RPS6KB1: variants seen among roughly 807,000 people sequenced by gnomAD.
The protein encoded by RPS6KB1 is ribosomal protein S6 kinase beta-1.
Under a neutral mutation model 70.2 loss-of-function variants are expected in RPS6KB1, and 12 were observed. The observed-to-expected ratio is 0.17, with a 90% CI of 0.11 to 0.28. The LOEUF is 0.28. RPS6KB1 is among the 10% of genes least tolerant of loss of function. The pLI, the probability that RPS6KB1 is intolerant of heterozygous loss-of-function variation, is 1.00. For missense variants in RPS6KB1, 270 were observed against 646.6 expected (o/e 0.42, Z 6.32); for synonymous variants, 175 against 211.2 (o/e 0.83, Z 1.49).
intron 12 of RPS6KB1, among the ~76,000 whole-genome samples, chr17:59,938,186 G>GC (rs1481287231): frequency 1.4e-4 from 19 of 134,766 alleles, no homozygotes; most frequent in Admixed American, 5.9e-4. Context: ...TTTTTTTTTG[G>GC]GGGGGGGATA....
At position 59,915,791 on chromosome 17, in the gene RPS6KB1, TTTTTTTTTA is replaced by T. The variant is rs1219445522; in HGVS notation, c.381+1091_381+1099del. On this transcript the variant is annotated intron_variant, in intron 4 of 14. Coordinates refer to ENST00000225577, the MANE Select transcript of RPS6KB1 (RefSeq NM_003161.4). ...TACTGCTATCTTTTTTTTTTTTTTT[TTTTTTTTTA>T]TTGTGACAGAGTTTTGCTCTTGTTG... Among the ~76,000 whole-genome samples the T allele has an allele frequency of 9.7e-5, 13 of 134,138 alleles. No individual in the cohort carries two copies. The East Asian group carries it at 1.1e-3, about 11-fold the overall frequency. 88.0% of individuals were successfully genotyped at this position (134,138 alleles called of 152,430 possible).
intron 13 of RPS6KB1, among the ~76,000 whole-genome samples, chr17:59,944,145 G>A (rs2044786320): frequency 6.6e-6 from 1 of 152,052 alleles, no homozygotes; most frequent in South Asian, 2.1e-4. Flanking sequence ...ACATATAACT[G>A]TCACAAATCA....
At chr17:59,923,689 T>C (rs761914960) in intron 4 of RPS6KB1, among the ~76,000 whole-genome samples, 3 of 151,784 alleles carry the variant, frequency 2.0e-5, no homozygotes, top group Non-Finnish European at 2.9e-5. Context: ...TTTGTATTTT[T>C]AGTAGAGACG....
chr17:59,904,374 C>G (rs1390176345), intron 1 of RPS6KB1, among the ~76,000 whole-genome samples: 2 of 150,480 alleles, frequency 1.3e-5, no homozygotes, highest in Non-Finnish European at 3.0e-5. Flanking sequence ...CCACTGCGCA[C>G]AGCCCGGAGT....
At chr17:59,909,566 T>C (rs2042503247) in intron 1 of RPS6KB1, among the ~76,000 whole-genome samples, 1 of 149,594 alleles carries the variant, frequency 6.7e-6, no homozygotes, top group South Asian at 2.2e-4. Flanking sequence ...ATGCCCAGCC[T>C]GTCATATAAA....
Position 59,948,857 on chromosome 17 carries a change from G to A in RPS6KB1, c.*2069G>A. 1 of 152,578 alleles carries A rather than the reference G, an allele frequency of 6.6e-6. No homozygotes were observed. Among genetic ancestry groups the A allele is most frequent in the Non-Finnish European group, 1.5e-5 (1 of 68,014 alleles). 9.5% of individuals were successfully genotyped at this position (152,578 alleles called of 1,614,324 possible). A position where few individuals can be genotyped will look rare whatever the true frequency, so the allele number is the denominator to read the frequency against. On this transcript the variant is annotated 3_prime_UTR_variant, in exon 15 of 15. Coordinates refer to ENST00000225577, the MANE Select transcript of RPS6KB1 (RefSeq NM_003161.4). ...CCGAAAAGCTATGGTGATATGTACA[G>A]GCATTATTTCAGACTGTAAATGGCT...
chr17:59,903,776 A>G (rs1352891139), intron 1 of RPS6KB1, among the ~76,000 whole-genome samples: 1 of 152,006 alleles, frequency 6.6e-6, no homozygotes, highest in Non-Finnish European at 1.5e-5. Context: ...TTTGATTTGC[A>G]TTTCCCTAAC....
intron 4 of RPS6KB1, among the ~76,000 whole-genome samples, chr17:59,924,968 A>G (rs1304329795): frequency 1.3e-5 from 2 of 151,930 alleles, no homozygotes; most frequent in African/African-American, 2.4e-5. Context: ...AGCTTGGACT[A>G]CAGGCACCTG....
intron 13 of RPS6KB1, among the ~76,000 whole-genome samples, chr17:59,942,634 C>T (rs2044678436): frequency 6.6e-6 from 1 of 152,024 alleles, no homozygotes; most frequent in Non-Finnish European, 1.5e-5. Flanking sequence ...TTGTCACTAA[C>T]TTAATTCTTA....
In RPS6KB1 at chr17:59,934,879, G is replaced by T. The variant is rs910435425; in HGVS notation, c.871-314G>T. On this transcript the variant is annotated intron_variant, in intron 9 of 14. Coordinates refer to ENST00000225577, the MANE Select transcript of RPS6KB1 (RefSeq NM_003161.4). The surrounding 1 kb of genome is among the most constrained non-coding windows in gnomAD (Gnocchi z 4.8). ...CTTCCAGGACACTGCTACTTCCTCT[G>T]TCCTGTTGCTTAAAAACTGCACGTC... is the stretch of plus-strand genomic sequence containing the variant. 5.4e-6 allele frequency: 2 copies of T among 367,598 alleles called. No individual in the cohort carries two copies. The highest frequency in any genetic ancestry group is 9.9e-6 in the Non-Finnish European group (2 of 202,374). 22.8% of individuals were successfully genotyped at this position (367,598 alleles called of 1,614,324 possible). A position where few individuals can be genotyped will look rare whatever the true frequency, so the allele number is the denominator to read the frequency against.
At chr17:59,895,354 C>T (rs561122636) in intron 1 of RPS6KB1, among the ~76,000 whole-genome samples, 498 of 142,666 alleles carry the variant, frequency 3.5e-3, no homozygotes, top group Non-Finnish European at 3.8e-3. Flanking sequence ...CAGGGTCTTC[C>T]TCTGTCACCC....
chr17:59,905,348 A>G (rs996102694), intron 1 of RPS6KB1, among the ~76,000 whole-genome samples: 17 of 152,110 alleles, frequency 1.1e-4, no homozygotes, highest in African/African-American at 3.9e-4. Context: ...TTTGACATGC[A>G]AAGGTTTTAC....
At chr17:59,939,037 T>G (rs2044423418) in intron 12 of RPS6KB1, among the ~76,000 whole-genome samples, 2 of 152,186 alleles carry the variant, frequency 1.3e-5, no homozygotes, top group South Asian at 4.1e-4. Flanking sequence ...TAGCTGGAAT[T>G]CTTTCATAAA....
chr17:59,893,565 G>A lies in RPS6KB1; in HGVS notation c.141+240G>A, dbSNP rs1308636013. ...AGGTCAGCGCAGCCCCGAGCGATCT[G>A]AAGAGGGAAAGAGAACGGGCGCGTG... On this transcript the variant is annotated intron_variant, in intron 1 of 14. Transcript: ENST00000225577. This position sits in a 1 kb window ranked among gnomAD's most constrained non-coding sequence, Gnocchi z 4.1. Among the ~76,000 whole-genome samples the A allele has an allele frequency of 6.6e-6, 1 of 152,198 alleles. No individual in the cohort carries two copies. The highest frequency in any genetic ancestry group is 1.5e-5 in the Non-Finnish European group (1 of 68,034).
At chr17:59,944,228 A>G (rs2044791585) in intron 13 of RPS6KB1, among the ~76,000 whole-genome samples, 1 of 152,214 alleles carries the variant, frequency 6.6e-6, no homozygotes, top group Non-Finnish European at 1.5e-5. Context: ...TTATTGTAAC[A>G]CATAATGCTT....
At chr17:59,944,983 G>A (rs2044838577) in intron 13 of RPS6KB1, among the ~76,000 whole-genome samples, 1 of 151,784 alleles carries the variant, frequency 6.6e-6, no homozygotes, top group African/African-American at 2.4e-5. Context: ...TGTATTTTTA[G>A]TAGAGACGGT....
chr17:59,917,458 G>T (rs1050864307), intron 4 of RPS6KB1, among the ~76,000 whole-genome samples: 4 of 151,978 alleles, frequency 2.6e-5, no homozygotes, highest in African/African-American at 9.7e-5. Context: ...ATTTTTAAGA[G>T]ACAGGGTCTC....
chr17:59,940,588 T>TA (rs1341077085), intron 12 of RPS6KB1, among the ~76,000 whole-genome samples: 1 of 152,134 alleles, frequency 6.6e-6, no homozygotes, highest in African/African-American at 2.4e-5. Flanking sequence ...GCCCAGTCGA[T>TA]ATATTCACAT....
chr17:59,903,973 C>T (rs1162097886), intron 1 of RPS6KB1, among the ~76,000 whole-genome samples: 1 of 152,046 alleles, frequency 6.6e-6, no homozygotes, highest in Non-Finnish European at 1.5e-5. Flanking sequence ...AACTCCTGGC[C>T]TCAAGCAGTC....
Sources: gnomAD v4.1 joint callset for allele counts (sites outside exome capture counted in the v4.1 genomes callset) on GRCh38, gnomAD v4.1.1 for gene constraint, Gnocchi (gnomAD v3.1) non-coding constraint, MANE v1.5 for transcripts, NCBI Gene and HGNC (gene_info 2026-07-23, HGNC 2026-07-21) for gene names.